The following PCDHGA7 variants were observed in gnomAD, a reference collection of about 807,000 sequenced individuals.
PCDHGA7 encodes protocadherin gamma-A7.
PCDHGA7 carries 44 observed loss-of-function variants against 58.3 expected under a neutral mutation model. That is an observed-to-expected ratio of 0.75 (90% CI 0.59 to 0.97). The LOEUF is 0.97. Ranked by LOEUF, PCDHGA7 falls within the 50% of genes least tolerant of loss-of-function variation. PCDHGA7 has a pLI of 0.00. For synonymous variants in PCDHGA7, 516 were observed against 504.2 expected, an observed-to-expected ratio of 1.02 and a Z score of -0.31; for missense variants, 1,266 against 1,188.7, an observed-to-expected ratio of 1.06 and a Z score of -0.96.
At chr5:141,418,549 C>A in intron 1 of PCDHGA7, 1 of 1,614,024 alleles carries the variant, frequency 6.2e-7, no homozygotes, top group Non-Finnish European at 8.5e-7. Context: ...AGATAAGAAT[C>A]CTGGTAATAG....
At position 141,507,794 on chromosome 5, in the gene PCDHGA7, C is replaced by CT. The variant is rs576191739; in HGVS notation, c.2572+2314dup. On this transcript the variant is annotated intron_variant, in intron 3 of 3. Coordinates refer to ENST00000518325, the MANE Select transcript of PCDHGA7 (RefSeq NM_018920.4). ...CACAGGGCCTGACCCTCGTCTAAGC[C>CT]TGCGCCCTGGGGAACGGACCCTGGG... 7.9e-4 allele frequency among the ~76,000 whole-genome samples: 120 copies of CT among 152,356 alleles called. 2 individuals carry two copies. The highest frequency in any genetic ancestry group is 2.8e-3 in the African/African-American group (115 of 41,592).
rs2099615088 is a variant in PCDHGA7, at chr5:141,485,526, G to A, written c.2425-9281G>A. On this transcript the variant is annotated intron_variant, in intron 1 of 3. Coordinates refer to ENST00000518325, the MANE Select transcript of PCDHGA7 (RefSeq NM_018920.4). The surrounding 1 kb of genome is among the most constrained non-coding windows in gnomAD (Gnocchi z 5.7). Reference sequence around the variant, plus strand: ...ACCGAAGGTCCTTTGGAAATGTACCGAGCAGAGGTAGAGATCGTAGATGTG... The same window carrying A: ...ACCGAAGGTCCTTTGGAAATGTACCAAGCAGAGGTAGAGATCGTAGATGTG... 6.2e-7 allele frequency: 1 copy of A among 1,614,154 alleles called. No individual in the cohort carries two copies. The highest frequency in any genetic ancestry group is 2.2e-5 in the East Asian group (1 of 44,880).
Position 141,476,241 on chromosome 5 carries a change from A to G in PCDHGA7, c.2425-18566A>G, listed in dbSNP as rs375405507. ...CACTATGAGATCCCGGAGGAAAGAG[A>G]GAAGGGTTTCGCTGTGGGCAACGTG... On this transcript the variant is annotated intron_variant, in intron 1 of 3. Transcript: ENST00000518325. The surrounding 1 kb of genome is among the most constrained non-coding windows in gnomAD (Gnocchi z 7.6). 3.7e-6 allele frequency: 6 copies of G among 1,613,626 alleles called. No homozygotes were observed. The highest frequency in any genetic ancestry group is 2.2e-5 in the East Asian group (1 of 44,834).
intron 1 of PCDHGA7, chr5:141,398,155 C>G (rs1238092530): frequency 1.3e-5 from 19 of 1,492,684 alleles, no homozygotes; most frequent in Non-Finnish European, 1.7e-5. Flanking sequence ...GGAGCTGGGC[C>G]GGGCTGAGAG....
rs780989648 is a variant in PCDHGA7 at position 141,383,406 on chromosome 5, T to C, written c.507T>C (p.Ser169=). ...ATGTGGGCACGAACTCCCTCCAGAG[T>C]TACCAGCTCAGCCCCAATCGCCACT... ...DPDVGTNSLQ[S]YQLSPNRHFS... Residue 169 remains serine, a synonymous_variant, in exon 1 of 4, where the codon AGT becomes AGC. Coordinates refer to ENST00000518325, the MANE Select transcript of PCDHGA7 (RefSeq NM_018920.4). 6.2e-7 allele frequency: 1 copy of C among 1,613,748 alleles called. No homozygotes were observed. Among genetic ancestry groups the C allele is most frequent in the Admixed American group, 1.7e-5 (1 of 59,988 alleles).
intron 1 of PCDHGA7, chr5:141,419,396 G>A (rs772000806): frequency 3.7e-6 from 6 of 1,613,600 alleles, no homozygotes; most frequent in Admixed American, 1.7e-5. Flanking sequence ...GCAGAGCGGG[G>A]TGGTGTTCGC....
intron 1 of PCDHGA7, chr5:141,419,602 C>T (rs757423030): frequency 6.2e-7 from 1 of 1,611,874 alleles, no homozygotes; most frequent in Admixed American, 1.7e-5. Flanking sequence ...TGCCGCGGGC[C>T]GCGCAGCCAG....
rs1561602415 is a variant in PCDHGA7 at position 141,384,465 on chromosome 5, T to A, written c.1566T>A (p.Tyr522Ter). Residue 522 changes from tyrosine to a stop codon, truncating the protein, a stop_gained, in exon 1 of 4, where the codon TAT becomes TAA. Coordinates refer to ENST00000518325, the MANE Select transcript of PCDHGA7 (RefSeq NM_018920.4). LOFTEE classifies it high-confidence loss of function. ...TGTACGCGCTGCAATCCTTTGATTA[T>A]GAGCAGTTGAGAGAACTACAACTAA... is the stretch of plus-strand genomic sequence containing the variant. The part of the protein sequence containing the change: ...GVLYALQSFD[Y>*]EQLRELQLRV... The A allele has an allele frequency of 6.2e-7, 1 of 1,614,118 alleles. No homozygotes were observed. Among genetic ancestry groups the A allele is most frequent in the Non-Finnish European group, 8.5e-7 (1 of 1,179,948 alleles).
At chr5:141,393,195 G>A (rs1359316660) in intron 1 of PCDHGA7, 6 of 1,613,316 alleles carry the variant, frequency 3.7e-6, no homozygotes, top group South Asian at 1.1e-5. Context: ...TGATATTAAC[G>A]ATAATAACCC....
At chr5:141,502,552 T>C (rs1217408446) in intron 2 of PCDHGA7, among the ~76,000 whole-genome samples, 1 of 152,146 alleles carries the variant, frequency 6.6e-6, no homozygotes, top group Non-Finnish European at 1.5e-5. Context: ...AAAAACAGTG[T>C]CCCAGATCTC....
chr5:141,433,564 G>A (rs1380905062), intron 1 of PCDHGA7, among the ~76,000 whole-genome samples: 1 of 152,042 alleles, frequency 6.6e-6, no homozygotes, highest in Non-Finnish European at 1.5e-5. Flanking sequence ...GGCTGGGCGC[G>A]GTGGCTCACG....
At chr5:141,407,309 A>C (rs1197028846) in intron 1 of PCDHGA7, among the ~76,000 whole-genome samples, 1 of 152,240 alleles carries the variant, frequency 6.6e-6, no homozygotes, top group African/African-American at 2.4e-5. Flanking sequence ...AGTAGCCTTC[A>C]TACTTAGTAT....
intron 1 of PCDHGA7, chr5:141,415,086 G>A (rs769093571): frequency 3.1e-6 from 5 of 1,613,554 alleles, no homozygotes; most frequent in South Asian, 1.1e-5. Flanking sequence ...GAGCCCTGCT[G>A]GACAGAGACG....
intron 1 of PCDHGA7, chr5:141,405,162 C>T: frequency 6.2e-7 from 1 of 1,614,098 alleles, no homozygotes; most frequent in Non-Finnish European, 8.5e-7. Flanking sequence ...GGTGTGCCCA[C>T]CTCACACTTT....
intron 1 of PCDHGA7, chr5:141,422,627 C>T: frequency 6.2e-7 from 1 of 1,613,350 alleles, no homozygotes; most frequent in Non-Finnish European, 8.5e-7. Flanking sequence ...GAAAACAACC[C>T]CAGGGGTGCC....
rs375127524 is a variant in PCDHGA7, at chr5:141,490,702, C to G, written c.2425-4105C>G. ...AGATCCAGACACTGGGGATAATGCCCGCCTCACCTACTCCATTGTAGGAAA... is the reference window on the plus strand; with the variant it reads ...AGATCCAGACACTGGGGATAATGCCGGCCTCACCTACTCCATTGTAGGAAA... On this transcript the variant is annotated intron_variant, in intron 1 of 3. Coordinates refer to ENST00000518325, the MANE Select transcript of PCDHGA7 (RefSeq NM_018920.4). This position sits in a 1 kb window ranked among gnomAD's most constrained non-coding sequence, Gnocchi z 5.4. The G allele has an allele frequency of 1.2e-6, 2 of 1,614,060 alleles. No homozygotes were observed. Among genetic ancestry groups the G allele is most frequent in the Admixed American group, 1.7e-5 (1 of 60,008 alleles).
chr5:141,385,498 T>C, intron 1 of PCDHGA7, 175 bp downstream of exon 1: 2 of 1,386,236 alleles, frequency 1.4e-6, no homozygotes, highest in Non-Finnish European at 1.9e-6. Context: ...TAGGATATAG[T>C]ATTTCTTTAG....
Position 141,385,308 on chromosome 5 carries a change from C to A in PCDHGA7, c.2409C>A (p.Asn803Lys). Residue 803 changes from asparagine (N) to lysine (K), a missense_variant, in exon 1 of 4, where the codon AAC (asparagine) becomes AAA (lysine). Asn to Lys is a moderately conservative substitution (Grantham distance 94, BLOSUM62 0). Coordinates refer to ENST00000518325, the MANE Select transcript of PCDHGA7 (RefSeq NM_018920.4). ...TAGATTTTCAGGAATGTAAAGAAAA[C>A]CTGCCAAGTATTCAGGTGAGCCCAG... ...TSVDFQECKENLPSIQQAPPN... is the reference protein window; with the variant it reads ...TSVDFQECKEKLPSIQQAPPN... The A allele has an allele frequency of 6.2e-7, 1 of 1,612,216 alleles. No homozygotes were observed. Among genetic ancestry groups the A allele is most frequent in the Non-Finnish European group, 8.5e-7 (1 of 1,178,868 alleles).
intron 1 of PCDHGA7, chr5:141,478,782 T>C: frequency 6.7e-7 from 1 of 1,485,212 alleles, no homozygotes. Context: ...GTGGACCTAA[T>C]TCACATCCTC....
Sources: gnomAD v4.1 joint callset for allele counts (sites outside exome capture counted in the v4.1 genomes callset) on GRCh38, gnomAD v4.1.1 for gene constraint, Gnocchi (gnomAD v3.1) non-coding constraint, MANE v1.5 for transcripts, NCBI Gene and HGNC (gene_info 2026-07-23, HGNC 2026-07-21) for gene names.